CACNA1E: variants seen among roughly 807,000 people sequenced by gnomAD.
The protein encoded by CACNA1E is calcium voltage-gated channel subunit alpha1 E.
CACNA1E carries 40 observed loss-of-function variants against 259.2 expected under a neutral mutation model. That is an observed-to-expected ratio of 0.15 (90% confidence interval 0.12 to 0.20). The LOEUF is 0.20. Among genes scored for constraint, CACNA1E ranks in the 10% least tolerant of loss-of-function variants. The probability of loss-of-function intolerance (pLI) is 1.00; values close to 1 mark genes in which losing one functional copy is unlikely to be tolerated. For synonymous variants in CACNA1E, 1,104 were observed against 1,138.5 expected (o/e 0.97, Z 0.61); for missense variants, 1,874 against 3,040.1 (o/e 0.62, Z 9.02).
chr1:181,641,620 A>G (rs1458233124), intron 6 of CACNA1E, among the ~76,000 whole-genome samples: 1 of 151,354 alleles, frequency 6.6e-6, no homozygotes, highest in South Asian at 2.1e-4. Flanking sequence ...AGTGGTCTTA[A>G]CCTTCAGAGG....
rs756783860 is a variant in CACNA1E, at chr1:181,360,242, C to G, written c.-15+42119C>G. ...TACCGTATGACCCAGCACTTCCACTCCGAGGCATATACCCCAAAGAACCAA... is the reference window on the plus strand; with the variant it reads ...TACCGTATGACCCAGCACTTCCACTGCGAGGCATATACCCCAAAGAACCAA... On this transcript the variant is annotated intron_variant, in intron 1 of 11. Transcript: ENST00000524607. Among the ~76,000 whole-genome samples the G allele has an allele frequency of 2.0e-5, 3 of 152,304 alleles. No homozygotes were observed. The East Asian group carries it at 5.8e-4, about 29-fold the overall frequency.
intron 1 of CACNA1E, among the ~76,000 whole-genome samples, chr1:181,356,609 G>A (rs1428609143): frequency 1.3e-5 from 2 of 152,184 alleles, no homozygotes; most frequent in Admixed American, 6.5e-5. Context: ...AGGCCTTCAG[G>A]GAGAAGAGAG....
At chr1:181,568,792 A>G (rs1178022648) in intron 3 of CACNA1E, among the ~76,000 whole-genome samples, 13 of 152,028 alleles carry the variant, frequency 8.6e-5, no homozygotes, top group Admixed American at 8.5e-4. Flanking sequence ...ATTCGTAGAG[A>G]TAGGTTCTTG....
chr1:181,378,948 A>G (rs1655283841), intron 1 of CACNA1E, among the ~76,000 whole-genome samples: 1 of 152,062 alleles, frequency 6.6e-6, no homozygotes, highest in African/African-American at 2.4e-5. Context: ...AGTAAAATTC[A>G]CAATGTCTAC....
intron 6 of CACNA1E, among the ~76,000 whole-genome samples, chr1:181,592,357 TC>T (rs1288427926): frequency 1.3e-5 from 2 of 151,916 alleles, no homozygotes; most frequent in African/African-American, 4.8e-5. Flanking sequence ...TGCCATGGCT[TC>T]CAGACTGCCA....
chr1:181,400,615 C>T (rs370448963), intron 1 of CACNA1E, among the ~76,000 whole-genome samples: 7 of 152,236 alleles, frequency 4.6e-5, no homozygotes, highest in Middle Eastern at 6.8e-3. Context: ...GCAAGGTCCC[C>T]GTGCCCCTCT....
intron 25 of CACNA1E, among the ~76,000 whole-genome samples, chr1:181,742,761 C>T (rs746888653): frequency 6.6e-5 from 10 of 152,158 alleles, no homozygotes; most frequent in Non-Finnish European, 1.5e-4. Flanking sequence ...GTGCCTGCCA[C>T]CATGTATGTT....
At chr1:181,367,153 T>C (rs1479403359) in intron 1 of CACNA1E, among the ~76,000 whole-genome samples, 1 of 152,150 alleles carries the variant, frequency 6.6e-6, no homozygotes, top group Non-Finnish European at 1.5e-5. Flanking sequence ...CAAAAGAGTG[T>C]TGTGGTTGCG....
chr1:181,439,406 T>C (rs1660300854), intron 2 of CACNA1E, among the ~76,000 whole-genome samples: 1 of 143,032 alleles, frequency 7.0e-6, no homozygotes. Flanking sequence ...TGACTTTGTC[T>C]ATGGCAGTTA....
At chr1:181,361,786 C>T (rs1333124848) in intron 1 of CACNA1E, among the ~76,000 whole-genome samples, 1 of 152,196 alleles carries the variant, frequency 6.6e-6, no homozygotes, top group Non-Finnish European at 1.5e-5. Context: ...GTTCTGATAT[C>T]TACAAGCTGA....
At chr1:181,464,771 G>A (rs1315643007) in intron 2 of CACNA1E, among the ~76,000 whole-genome samples, 1 of 151,980 alleles carries the variant, frequency 6.6e-6, no homozygotes, top group African/African-American at 2.4e-5. Context: ...AAGAGTTTCA[G>A]TGGGTGTCCT....
At chr1:181,415,618 T>C (rs1274366120) in intron 2 of CACNA1E, among the ~76,000 whole-genome samples, 3 of 151,966 alleles carry the variant, frequency 2.0e-5, no homozygotes, top group African/African-American at 7.3e-5. Flanking sequence ...AAAATGAAGA[T>C]AGAGAAGGAA....
chr1:181,461,213 G>A (rs1661778233), intron 2 of CACNA1E, among the ~76,000 whole-genome samples: 1 of 152,142 alleles, frequency 6.6e-6, no homozygotes, highest in Non-Finnish European at 1.5e-5. Context: ...ATCGGTTTAT[G>A]AATGACTATG....
chr1:181,666,171 T>G (rs966955485), intron 7 of CACNA1E, among the ~76,000 whole-genome samples: 2 of 152,194 alleles, frequency 1.3e-5, no homozygotes, highest in South Asian at 4.1e-4. Flanking sequence ...CTGCTATTCA[T>G]GAGAAAACAG....
At chr1:181,451,884 A>T (rs138720887) in intron 2 of CACNA1E, among the ~76,000 whole-genome samples, 1 of 152,196 alleles carries the variant, frequency 6.6e-6, no homozygotes, top group Non-Finnish European at 1.5e-5. Flanking sequence ...AAGCAGGGGC[A>T]TGAGGCAACT....
At chr1:181,717,447 G>A (rs934188709) in intron 11 of CACNA1E, 145 bp downstream of exon 11, 4 of 661,316 alleles carry the variant, frequency 6.0e-6, no homozygotes, top group Non-Finnish European at 1.1e-5. Flanking sequence ...CGTCCTCAAG[G>A]GGGCTGGAGT....
At chr1:181,789,501 ACTCCG>A (rs953307991) in intron 43 of CACNA1E, among the ~76,000 whole-genome samples, 208 of 151,168 alleles carry the variant, frequency 1.4e-3, no homozygotes, top group Middle Eastern at 6.8e-3. Context: ...CTCCCTCCTA[ACTCCG>A]CCACCAAGAG....
intron 1 of CACNA1E, among the ~76,000 whole-genome samples, chr1:181,331,188 G>C (rs1020877651): frequency 6.6e-6 from 1 of 151,964 alleles, no homozygotes; most frequent in African/African-American, 2.4e-5. Context: ...TATTAGTTAG[G>C]GTTCCCCAGA....
chr1:181,363,262 A>G (rs1260745364), intron 1 of CACNA1E, among the ~76,000 whole-genome samples: 3 of 152,200 alleles, frequency 2.0e-5, no homozygotes, highest in Non-Finnish European at 4.4e-5. Context: ...ACCAAAAACC[A>G]GAAACAAACC....
Sources: gnomAD v4.1 joint callset for allele counts (sites outside exome capture counted in the v4.1 genomes callset) on GRCh38, gnomAD v4.1.1 for gene constraint, MANE v1.5 for transcripts, NCBI Gene and HGNC (gene_info 2026-07-23, HGNC 2026-07-21) for gene names.